Variants in ZDHHC22 observed in about 807,000 individuals in gnomAD.
ZDHHC22 encodes the protein zDHHC palmitoyltransferase 22.
In ZDHHC22, 13 loss-of-function variants were observed where a neutral mutation model predicts 17.0. That is an observed-to-expected ratio of 0.76 (90% CI 0.50 to 1.21). The LOEUF is 1.21. ZDHHC22 is among the 50% of genes most tolerant of loss of function. ZDHHC22 has a pLI of 0.00. For missense variants in ZDHHC22, 319 were observed against 342.3 expected, an observed-to-expected ratio of 0.93 and a Z score of 0.54; for synonymous variants, 138 against 154.7, an observed-to-expected ratio of 0.89 and a Z score of 0.80.
At position 77,133,598 on chromosome 14, in the gene ZDHHC22, G is replaced by C; in HGVS notation, c.*85C>G. 1 of 1,533,074 alleles carries C rather than the reference G, an allele frequency of 6.5e-7. No homozygotes were observed. Among genetic ancestry groups the C allele is most frequent in the Non-Finnish European group, 8.8e-7 (1 of 1,135,784 alleles). The allele number at this position is 1,533,074 out of a possible 1,614,324, so 95.0% of individuals were successfully genotyped here. A position where few individuals can be genotyped will look rare whatever the true frequency, so the allele number is the denominator to read the frequency against. On this transcript the variant is annotated 3_prime_UTR_variant, in exon 3 of 3. Transcript: ENST00000319374. ...CCTTACCAGCACAAGGTTGTAGTGA[G>C]TCATGGGTGGAGACAAGGCTGCCAT...
At chr14:77,141,069 C>G (rs2140056244) in intron 1 of ZDHHC22, 1 of 152,590 alleles carries the variant, frequency 6.6e-6, no homozygotes, top group Non-Finnish European at 1.5e-5. Flanking sequence ...GAACCCGCAG[C>G]CTCCGCGGAG....
chr14:77,135,195 G>GT (rs1167533327), intron 2 of ZDHHC22, among the ~76,000 whole-genome samples: 1 of 151,784 alleles, frequency 6.6e-6, no homozygotes, highest in African/African-American at 2.4e-5. Flanking sequence ...TCTGGTGGGG[G>GT]GGGGGCACCT....
chr14:77,139,445 TCGG>T lies in ZDHHC22; in HGVS notation c.291_293del (p.Cys97_Arg98delinsTer). The T allele has an allele frequency of 6.2e-7, 1 of 1,612,934 alleles. No homozygotes were observed. Among genetic ancestry groups the T allele is most frequent in the South Asian group, 1.1e-5 (1 of 90,728 alleles). ...GCCTCAGGGTGACTCTGGCGCACACTCGGCAGAAGTGGGTGCTAGGTGAGGGGC... is the reference window on the plus strand; with the variant it reads ...GCCTCAGGGTGACTCTGGCGCACACTCAGAAGTGGGTGCTAGGTGAGGGGC... On this transcript the variant is annotated stop_gained and inframe_deletion, in exon 2 of 3. Transcript: ENST00000319374. LOFTEE classifies it high-confidence loss of function.
At chr14:77,136,031 A>G (rs1369068422) in intron 2 of ZDHHC22, among the ~76,000 whole-genome samples, 1 of 152,228 alleles carries the variant, frequency 6.6e-6, no homozygotes, top group Non-Finnish European at 1.5e-5. Context: ...CACATCAGTC[A>G]ATCTCCCCTG....
rs530384996 is a variant in ZDHHC22, at chr14:77,140,640, C to T, written c.-14-888G>A. On this transcript the variant is annotated intron_variant, in intron 1 of 2. Transcript: ENST00000319374. This position sits in a 1 kb window ranked among gnomAD's most constrained non-coding sequence, Gnocchi z 5.9. ...TTTCATTTGAGGCGAAATTAAAATC[C>T]CCCCTTCGCGCCCGCCTCCCGCCCT... 6.6e-6 allele frequency: 1 copy of T among 152,220 alleles called. No homozygotes were observed. Among genetic ancestry groups the T allele is most frequent in the East Asian group, 1.9e-4 (1 of 5,160 alleles). The allele number at this position is 152,220 out of a possible 1,614,324, so 9.4% of individuals were successfully genotyped here.
In ZDHHC22 at chr14:77,131,751, C is replaced by T. The variant is rs1021282583; in HGVS notation, c.*1932G>A. On this transcript the variant is annotated 3_prime_UTR_variant, in exon 3 of 3. Coordinates refer to ENST00000319374, the MANE Select transcript of ZDHHC22 (RefSeq NM_174976.2). Reference sequence around the variant, plus strand: ...CAGGGAGTGTGAATCAGTGCACAGACGGCAGTGACAAGGTGCCCCTGATGG... The same window carrying T: ...CAGGGAGTGTGAATCAGTGCACAGATGGCAGTGACAAGGTGCCCCTGATGG... 1.3e-5 allele frequency: 2 copies of T among 152,158 alleles called. No homozygotes were observed. The highest frequency in any genetic ancestry group is 2.9e-5 in the Non-Finnish European group (2 of 68,036). 9.4% of individuals were successfully genotyped at this position (152,158 alleles called of 1,614,324 possible). A position where few individuals can be genotyped will look rare whatever the true frequency, so the allele number is the denominator to read the frequency against.
chr14:77,139,876 C>T (rs1000659561), intron 1 of ZDHHC22, 124 bp from the exon 2 acceptor site: 14 of 1,040,280 alleles, frequency 1.3e-5, no homozygotes, highest in Non-Finnish European at 7.9e-6. Flanking sequence ...CCCCCTGTCC[C>T]GCGGATTTCC....
At chr14:77,135,140 T>C (rs967925893) in intron 2 of ZDHHC22, among the ~76,000 whole-genome samples, 1 of 150,702 alleles carries the variant, frequency 6.6e-6, no homozygotes, top group Non-Finnish European at 1.5e-5. Flanking sequence ...AATTCGAAAG[T>C]ATTCCTTAGC....
At chr14:77,138,031 C>T (rs139961583) in intron 2 of ZDHHC22, among the ~76,000 whole-genome samples, 174 of 152,282 alleles carry the variant, frequency 1.1e-3, no homozygotes, top group African/African-American at 3.9e-3. Context: ...GTCTCGGTTT[C>T]ATCATCTGAG....
chr14:77,137,142 G>C lies in ZDHHC22; in HGVS notation c.526+2071C>G, dbSNP rs1387359742. On this transcript the variant is annotated intron_variant, in intron 2 of 2. Transcript: ENST00000319374. Reference sequence around the variant, plus strand: ...GAATGGGAAAGGGAAAGCCAAACAGGTGGGGTGTATGTCATGGGAGGGAAA... The same window carrying C: ...GAATGGGAAAGGGAAAGCCAAACAGCTGGGGTGTATGTCATGGGAGGGAAA... Among the ~76,000 whole-genome samples, 3 of 152,290 alleles carry C rather than the reference G, an allele frequency of 2.0e-5. No homozygotes were observed. In the South Asian group the frequency reaches 6.2e-4, roughly 32 times the overall value.
intron 2 of ZDHHC22, among the ~76,000 whole-genome samples, chr14:77,136,559 C>T (rs1887140483): frequency 6.6e-6 from 1 of 152,154 alleles, no homozygotes. Context: ...GTACTGGTCC[C>T]ACAAAGCCAA....
At position 77,140,793 on chromosome 14, in the gene ZDHHC22, CCCTCACCACGT is replaced by C. The variant is rs1373838630; in HGVS notation, c.-15+799_-15+809del. 1.3e-5 allele frequency: 2 copies of C among 152,232 alleles called. No individual in the cohort carries two copies. The highest frequency in any genetic ancestry group is 6.5e-5 in the Admixed American group (1 of 15,278). 9.4% of individuals were successfully genotyped at this position (152,232 alleles called of 1,614,324 possible). ...GGATCGACCCCGCCGCCGTGCTCAG[CCCTCACCACGT>C]CCCCATCCCACCCCACGCCTCACAG... On this transcript the variant is annotated intron_variant, in intron 1 of 2. Transcript: ENST00000319374. The surrounding 1 kb of genome is among the most constrained non-coding windows in gnomAD (Gnocchi z 5.9).
intron 2 of ZDHHC22, 128 bp from the exon 3 acceptor site, chr14:77,134,076 A>T: frequency 1.7e-6 from 2 of 1,209,294 alleles, no homozygotes; most frequent in Non-Finnish European, 2.2e-6. Flanking sequence ...ATTTTGTAGC[A>T]ACCTCAGCGC....
In ZDHHC22 at chr14:77,140,078, C is replaced by G. The variant is rs1887224045; in HGVS notation, c.-14-326G>C. On this transcript the variant is annotated intron_variant, in intron 1 of 2. Transcript: ENST00000319374. The surrounding 1 kb of genome is among the most constrained non-coding windows in gnomAD (Gnocchi z 5.9). ...TTAGGAGTTGTGAGGGTGGGGGGCA[C>G]CGGGGGATAGGACTCCTCCCCTCTG... is the stretch of plus-strand genomic sequence containing the variant. Among the ~76,000 whole-genome samples the G allele has an allele frequency of 6.6e-6, 1 of 152,030 alleles. No individual in the cohort carries two copies. The highest frequency in any genetic ancestry group is 2.4e-5 in the African/African-American group (1 of 41,376).
Position 77,139,790 on chromosome 14 carries a change from C to T in ZDHHC22, c.-14-38G>A, listed in dbSNP as rs566481078. The stretch of plus-strand genomic sequence containing the variant: ...GGGTGAGAAGAGGACTGACTGACTA[C>T]GGCGTCCAGGGGGCGCCCTCGCCCG... On this transcript the variant is annotated intron_variant, in intron 1 of 2. Transcript: ENST00000319374. 2.0e-5 allele frequency: 29 copies of T among 1,446,596 alleles called. No individual in the cohort carries two copies. The African/African-American group carries it at 2.6e-4, about 13-fold the overall frequency. The allele number at this position is 1,446,596 out of a possible 1,614,324, so 89.6% of individuals were successfully genotyped here. A position where few individuals can be genotyped will look rare whatever the true frequency, so the allele number is the denominator to read the frequency against.
rs1337884852 is a variant in ZDHHC22, at chr14:77,141,692, G to C, written c.-104C>G. On this transcript the variant is annotated 5_prime_UTR_variant, in exon 1 of 3. Coordinates refer to ENST00000319374, the MANE Select transcript of ZDHHC22 (RefSeq NM_174976.2). ...GTTGTGGACTCGGCCCGGCTGGCTC[G>C]CAGCCTGCGCTTCGCTTCGGGAACT... 3 of 152,398 alleles carry C rather than the reference G, an allele frequency of 2.0e-5. No individual in the cohort carries two copies. The highest frequency in any genetic ancestry group is 4.4e-5 in the Non-Finnish European group (3 of 68,076). The allele number at this position is 152,398 out of a possible 1,614,324, so 9.4% of individuals were successfully genotyped here.
At chr14:77,134,075 C>G in intron 2 of ZDHHC22, 127 bp from the exon 3 acceptor site, 1 of 1,221,746 alleles carries the variant, frequency 8.2e-7, no homozygotes, top group Non-Finnish European at 1.1e-6. Flanking sequence ...CATTTTGTAG[C>G]AACCTCAGCG....
In ZDHHC22 at chr14:77,139,421, C is replaced by T. The variant is rs764866283; in HGVS notation, c.318G>A (p.Arg106=). 3.1e-6 allele frequency: 5 copies of T among 1,611,828 alleles called. No homozygotes were observed. The highest frequency in any genetic ancestry group is 4.5e-5 in the East Asian group (2 of 44,806). ...FCRVCARVTL[R]HDHHCFFTGN... is the part of the protein sequence containing the mutation. ...CGGTGAAGAAACAGTGATGGTCGTG[C>T]CTCAGGGTGACTCTGGCGCACACTC... Residue 106 remains arginine (R), a synonymous_variant, in exon 2 of 3, where the codon AGG becomes AGA. Transcript: ENST00000319374.
Position 77,133,693 on chromosome 14 carries a change from T to C in ZDHHC22, c.782A>G (p.Gln261Arg), listed in dbSNP as rs769787568. ...TGACGGGAGTGTCTACTACTTATCC[T>C]GCTGCTTGGAGCTCTCACTTCCGAC... ...FNVGSESSKQ[Q>R]DK The change falls in exon 3 of 3, where the codon CAG becomes CGG. Residue 261 changes from glutamine (Q) to arginine (R), a missense_variant. Physicochemically the swap from Gln to Arg is conservative, Grantham distance 43. Transcript: ENST00000319374. 6.2e-7 allele frequency: 1 copy of C among 1,613,430 alleles called. No individual in the cohort carries two copies. The highest frequency in any genetic ancestry group is 1.1e-5 in the South Asian group (1 of 90,990).
Sources: gnomAD v4.1 joint callset for allele counts (sites outside exome capture counted in the v4.1 genomes callset) on GRCh38, gnomAD v4.1.1 for gene constraint, Gnocchi (gnomAD v3.1) non-coding constraint, MANE v1.5 for transcripts, NCBI Gene and HGNC (gene_info 2026-07-23, HGNC 2026-07-21) for gene names.